KCNT1: variants seen among roughly 807,000 people sequenced by gnomAD.
KCNT1 encodes the protein potassium sodium-activated channel subfamily T member 1, also known as potassium channel subfamily T member 1.
Under a neutral mutation model 147.8 loss-of-function variants are expected in KCNT1, and 78 were observed. The observed-to-expected ratio is 0.53, with a 90% CI of 0.44 to 0.64. KCNT1 has a LOEUF of 0.64. Ranked by LOEUF, KCNT1 falls within the 30% of genes least tolerant of loss-of-function variation. KCNT1 has a pLI of 0.00. For synonymous variants in KCNT1, 867 were observed against 748.8 expected (o/e 1.16, Z -2.58); for missense variants, 1,419 against 1,750.3 (o/e 0.81, Z 3.38).
intron 2 of KCNT1, among the ~76,000 whole-genome samples, chr9:135,732,870 TC>T (rs1216781469): frequency 2.6e-5 from 4 of 151,716 alleles, no homozygotes; most frequent in African/African-American, 9.7e-5. Context: ...CTGGGGGCAA[TC>T]AAGAGGTCTC....
In KCNT1 at chr9:135,791,952, C is replaced by T. The variant is rs41310949; in HGVS notation, c.3587+71C>T. ...GGTGGGCACTGGGGAGATGAGGCCACAGGCACCACAGTGGGGCCGCTCAGC... is the reference window on the plus strand; with the variant it reads ...GGTGGGCACTGGGGAGATGAGGCCATAGGCACCACAGTGGGGCCGCTCAGC... On this transcript the variant is annotated intron_variant, in intron 30 of 30. Transcript: ENST00000371757. 0.17 allele frequency: 266,383 copies of T among 1,609,844 alleles called. 24,222 individuals carry two copies. The highest frequency in any genetic ancestry group is 0.21 in the South Asian group (19,022 of 90,926).
chr9:135,756,422 C>A (rs772363740), intron 6 of KCNT1, among the ~76,000 whole-genome samples: 41 of 152,154 alleles, frequency 2.7e-4, no homozygotes, highest in Non-Finnish European at 5.6e-4. Flanking sequence ...GGTCCCATGT[C>A]TCCATCTGAG....
intron 19 of KCNT1, among the ~76,000 whole-genome samples, chr9:135,773,642 C>T (rs1279560021): frequency 6.6e-5 from 10 of 152,394 alleles, no homozygotes; most frequent in Non-Finnish European, 1.3e-4. Flanking sequence ...CCAGGACAGA[C>T]AAGTGCCCCA....
In KCNT1 at chr9:135,760,889, CTTCCCCCTGG is replaced by C. The variant is rs1011824558; in HGVS notation, c.1035+1034_1035+1043del. Among the ~76,000 whole-genome samples, 44 of 152,366 alleles carry C rather than the reference CTTCCCCCTGG, an allele frequency of 2.9e-4. No individual in the cohort carries two copies. The East Asian group carries it at 6.9e-3, about 24-fold the overall frequency. On this transcript the variant is annotated intron_variant, in intron 11 of 30. Coordinates refer to ENST00000371757, the MANE Select transcript of KCNT1 (RefSeq NM_020822.3). ...TGTGAGCTGCCCGCTCCTCTTTGGT[CTTCCCCCTGG>C]TTCTCGCTGATGAGCGAGTCTCTGT...
At chr9:135,788,853 G>C (rs1834274281) in intron 29 of KCNT1, 1 of 152,540 alleles carries the variant, frequency 6.6e-6, no homozygotes, top group Non-Finnish European at 1.5e-5. Context: ...GTGCTCCCAG[G>C]GGTCCTGGCA....
At chr9:135,721,360 G>T (rs571330889) in intron 2 of KCNT1, among the ~76,000 whole-genome samples, 2 of 152,308 alleles carry the variant, frequency 1.3e-5, no homozygotes, top group South Asian at 2.1e-4. Context: ...GTGTGCAGGC[G>T]TACTAATAGG....
intron 2 of KCNT1, among the ~76,000 whole-genome samples, chr9:135,734,432 T>C (rs947585999): frequency 6.6e-6 from 1 of 152,208 alleles, no homozygotes; most frequent in Admixed American, 6.5e-5. Flanking sequence ...CACTGGACTT[T>C]CTGTGACAAA....
chr9:135,744,053 C>A (rs1830688867), intron 2 of KCNT1, among the ~76,000 whole-genome samples: 1 of 152,108 alleles, frequency 6.6e-6, no homozygotes, highest in South Asian at 2.1e-4. Flanking sequence ...TAAGAGCCAG[C>A]CGGCACCCAG....
chr9:135,777,910 A>G (rs556627355), intron 21 of KCNT1, among the ~76,000 whole-genome samples: 1 of 128,306 alleles, frequency 7.8e-6, no homozygotes, highest in Non-Finnish European at 1.7e-5. Flanking sequence ...CCTCACTCCC[A>G]GCTCCTCCCT....
In KCNT1 at chr9:135,771,111, C is replaced by A; in HGVS notation, c.2008+16C>A. The A allele has an allele frequency of 1.3e-6, 2 of 1,598,924 alleles. No homozygotes were observed. The highest frequency in any genetic ancestry group is 2.2e-5 in the South Asian group (2 of 89,492). ...GCCTCCATGGGTGAGCCGGGACAGG[C>A]GCGCGGGACTCCCTGGGCCTGCTCC... On this transcript the variant is annotated intron_variant, in intron 18 of 30. Transcript: ENST00000371757.
intron 4 of KCNT1, among the ~76,000 whole-genome samples, chr9:135,753,003 TGGATGGATGGAG>T (rs1349990810): frequency 6.9e-6 from 1 of 144,208 alleles, no homozygotes; most frequent in Admixed American, 6.9e-5. Context: ...GATGAGTGGA[TGGATGGATGGAG>T]GGATGGATGG....
At position 135,752,659 on chromosome 9, in the gene KCNT1, ATGGATGGAG is replaced by A. The variant is rs1236309286; in HGVS notation, c.435-1268_435-1260del. Among the ~76,000 whole-genome samples, 1 of 149,922 alleles carries A rather than the reference ATGGATGGAG, an allele frequency of 6.7e-6. No individual in the cohort carries two copies. The highest frequency in any genetic ancestry group is 2.0e-4 in the East Asian group (1 of 5,084). ...GATGGACGGACGGACGGATGGACGG[ATGGATGGAG>A]TGGATGGAGGGATGAGTGGATGGGT... On this transcript the variant is annotated intron_variant, in intron 4 of 30. Coordinates refer to ENST00000371757, the MANE Select transcript of KCNT1 (RefSeq NM_020822.3). This position sits in a 1 kb window ranked among gnomAD's most constrained non-coding sequence, Gnocchi z 5.1.
Position 135,792,080 on chromosome 9 carries a change from C to T in KCNT1, c.3627C>T (p.Ser1209=). ...CCGACCCCCTGGCTCACGTGGCCAG[C>T]AGCTCCCAGAGCCGGAAGAGCAGCT... is the stretch of plus-strand genomic sequence containing the variant. ...IRSDPLAHVA[S]SSQSRKSSCS... Residue 1209 remains serine (S), a synonymous_variant, in exon 31 of 31, where the codon AGC becomes AGT. Coordinates refer to ENST00000371757, the MANE Select transcript of KCNT1 (RefSeq NM_020822.3). 1 of 1,604,364 alleles carries T rather than the reference C, an allele frequency of 6.2e-7. No homozygotes were observed. Among genetic ancestry groups the T allele is most frequent in the Non-Finnish European group, 8.5e-7 (1 of 1,179,654 alleles).
At chr9:135,727,746 C>T (rs1836278192) in intron 2 of KCNT1, among the ~76,000 whole-genome samples, 2 of 152,348 alleles carry the variant, frequency 1.3e-5, no homozygotes, top group Admixed American at 1.3e-4. Context: ...CTGGATTCTC[C>T]GGACAGAGGT....
chr9:135,760,905 G>C (rs1416204885), intron 11 of KCNT1, among the ~76,000 whole-genome samples: 2 of 152,192 alleles, frequency 1.3e-5, no homozygotes, highest in Admixed American at 1.3e-4. Context: ...CCTGGTTCTC[G>C]CTGATGAGCG....
intron 29 of KCNT1, chr9:135,788,198 A>G: frequency 6.3e-7 from 1 of 1,575,288 alleles, no homozygotes; most frequent in Non-Finnish European, 8.7e-7. Context: ...CCACCGCACA[A>G]CGGGGCTCGC....
intron 29 of KCNT1, 51 bp from the exon 30 acceptor site, chr9:135,791,746 G>T (rs772179643): frequency 1.3e-6 from 2 of 1,504,906 alleles, no homozygotes; most frequent in South Asian, 1.1e-5. Context: ...CTGCAGAGCT[G>T]GGAGGGGCAG....
At chr9:135,725,096 C>A (rs1486551857) in intron 2 of KCNT1, among the ~76,000 whole-genome samples, 1 of 152,198 alleles carries the variant, frequency 6.6e-6, no homozygotes, top group East Asian at 1.9e-4. Flanking sequence ...GCCCAGGATC[C>A]CTTGGTGGCT....
chr9:135,715,410 G>A (rs1478111468), intron 2 of KCNT1, among the ~76,000 whole-genome samples: 1 of 152,188 alleles, frequency 6.6e-6, no homozygotes, highest in African/African-American at 2.4e-5. Flanking sequence ...CCAGGCTCTG[G>A]GGAGGCGCTT....
Sources: allele counts gnomAD v4.1 joint callset (sites outside exome capture counted in the v4.1 genomes callset), GRCh38; gene constraint gnomAD v4.1.1; non-coding constraint Gnocchi (gnomAD v3.1); transcripts MANE v1.5; gene names NCBI Gene and HGNC (gene_info 2026-07-23, HGNC 2026-07-21).